Variants in PCSK1 observed in about 807,000 individuals in gnomAD.
PCSK1 encodes the protein proprotein convertase subtilisin/kexin type 1, also known as neuroendocrine convertase 1.
Under a neutral mutation model 90.6 loss-of-function variants are expected in PCSK1, and 56 were observed. The ratio of observed to expected loss-of-function variants is 0.62; its 90% confidence interval spans 0.50 to 0.77. The LOEUF (loss-of-function observed/expected upper bound fraction) is 0.77, where lower values mean the gene tolerates loss of function less well. Ranked by LOEUF, PCSK1 falls within the 30% of genes least tolerant of loss-of-function variation. PCSK1 has a pLI of 0.00. For synonymous variants in PCSK1, 348 were observed against 342.4 expected, an observed-to-expected ratio of 1.02 and a Z score of -0.18; for missense variants, 801 against 932.6, an observed-to-expected ratio of 0.86 and a Z score of 1.84.
chr5:96,412,875 A>G (rs899650578), intron 6 of PCSK1: 3 of 818,288 alleles, frequency 3.7e-6, no homozygotes, highest in Non-Finnish European at 4.5e-6. Flanking sequence ...ATTGTTGTCA[A>G]TTACAAAATG....
At chr5:96,421,421 C>T (rs1468585242) in intron 5 of PCSK1, among the ~76,000 whole-genome samples, 1 of 152,166 alleles carries the variant, frequency 6.6e-6, no homozygotes, top group East Asian at 1.9e-4. Context: ...TTTGGCCATG[C>T]TCTTCTGAGA....
At chr5:96,432,265 C>A in intron 1 of PCSK1, 1 of 748,454 alleles carries the variant, frequency 1.3e-6, no homozygotes, top group South Asian at 1.8e-5. Context: ...CACCATTTCT[C>A]CCCCCAGCTT....
intron 12 of PCSK1, among the ~76,000 whole-genome samples, chr5:96,395,498 T>C (rs541795074): frequency 1.3e-5 from 2 of 152,320 alleles, no homozygotes; most frequent in African/African-American, 4.8e-5. Flanking sequence ...TGCAGGGACA[T>C]GGATAAAGCT....
chr5:96,399,277 T>C (rs1439789246), intron 10 of PCSK1, among the ~76,000 whole-genome samples: 1 of 152,204 alleles, frequency 6.6e-6, no homozygotes, highest in East Asian at 1.9e-4. Flanking sequence ...GGCAGATTTA[T>C]TGTAGACCCA....
intron 9 of PCSK1, among the ~76,000 whole-genome samples, chr5:96,400,683 T>C (rs920400067): frequency 6.6e-5 from 10 of 152,202 alleles, no homozygotes; most frequent in Non-Finnish European, 1.3e-4. Context: ...ATTGCCTTTT[T>C]CTTTATCTAT....
Position 96,394,789 on chromosome 5 carries a change from T to C in PCSK1, c.1884+75A>G, listed in dbSNP as rs921315258. ...GTTTGACTTATTTCCTGCTTGGAAG[T>C]TGGGTACAGCTTCACTGACTACATT... On this transcript the variant is annotated intron_variant, in intron 13 of 13. Transcript: ENST00000311106. The C allele has an allele frequency of 3.1e-4, 418 of 1,365,664 alleles. 1 individual carries two copies. Among genetic ancestry groups the C allele is most frequent in the Non-Finnish European group, 4.1e-4 (392 of 953,542 alleles). The allele number at this position is 1,365,664 out of a possible 1,614,324, so 84.6% of individuals were successfully genotyped here.
Position 96,410,827 on chromosome 5 carries a change from A to G in PCSK1, c.1042T>C (p.Ser348Pro). 1.2e-6 allele frequency: 2 copies of G among 1,614,106 alleles called. No homozygotes were observed. Among genetic ancestry groups the G allele is most frequent in the Non-Finnish European group, 1.7e-6 (2 of 1,179,998 alleles). ...GLSPWYAEKC[S>P]STLATSYSSG... ...CTGTAAGAGGTGGCCAGTGTGGAGG[A>G]GCACTTCTCAGCGTACCAGGGGGAT... Residue 348 changes from serine (S) to proline (P), a missense_variant, in exon 8 of 14, where the codon TCC becomes CCC. Coordinates refer to ENST00000311106, the MANE Select transcript of PCSK1 (RefSeq NM_000439.5).
intron 3 of PCSK1, 133 bp downstream of exon 3, chr5:96,425,687 T>C: frequency 4.4e-6 from 3 of 676,676 alleles, no homozygotes; most frequent in Non-Finnish European, 8.0e-6. Flanking sequence ...CCATCAGCCC[T>C]AATCTCCAGA....
Position 96,393,407 on chromosome 5 carries a change from G to A in PCSK1, c.1885-29C>T, listed in dbSNP as rs771331031. 5 of 1,612,642 alleles carry A rather than the reference G, an allele frequency of 3.1e-6. No homozygotes were observed. In the South Asian group the frequency reaches 4.4e-5, roughly 14 times the overall value. On this transcript the variant is annotated intron_variant, in intron 13 of 13. Transcript: ENST00000311106. ...AAACATAGAATGCCATCCACAAAGGGAAGAAGGTTCATTATTTATGGCCAG... is the reference window on the plus strand; with the variant it reads ...AAACATAGAATGCCATCCACAAAGGAAAGAAGGTTCATTATTTATGGCCAG...
chr5:96,394,901 T>G lies in PCSK1; in HGVS notation c.1847A>C (p.Asp616Ala), dbSNP rs1760078210. 1.2e-6 allele frequency: 2 copies of G among 1,614,118 alleles called. No individual in the cohort carries two copies. The highest frequency in any genetic ancestry group is 1.3e-5 in the African/African-American group (1 of 75,044). Reference sequence around the variant, plus strand: ...CACCATCTTCTCCACCCCTCTTCTGTCATTCTGAACAGTGTTGTAGGACGT... The same window carrying G: ...CACCATCTTCTCCACCCCTCTTCTGGCATTCTGAACAGTGTTGTAGGACGT... ...VYTSYNTVQN[D>A]RRGVEKMVDP... The change falls in exon 13 of 14, where the codon GAC becomes GCC. Residue 616 changes from aspartate to alanine, a missense_variant. Physicochemically the swap from Asp to Ala is moderately radical, Grantham distance 126 (BLOSUM62 -2). Transcript: ENST00000311106.
At chr5:96,410,348 CTG>C (rs1295056388) in intron 8 of PCSK1, among the ~76,000 whole-genome samples, 1 of 151,608 alleles carries the variant, frequency 6.6e-6, no homozygotes. Context: ...GGTGTAGACT[CTG>C]TATTTTTATC....
chr5:96,398,370 T>C (rs1353483409), intron 11 of PCSK1, among the ~76,000 whole-genome samples: 1 of 152,228 alleles, frequency 6.6e-6, no homozygotes, highest in Non-Finnish European at 1.5e-5. Flanking sequence ...CACTATCTTA[T>C]CTGAATTAGT....
intron 5 of PCSK1, among the ~76,000 whole-genome samples, chr5:96,420,097 T>C (rs1761072597): frequency 6.6e-6 from 1 of 152,170 alleles, no homozygotes; most frequent in Non-Finnish European, 1.5e-5. Context: ...ATGAAAGTTG[T>C]TTCTACTCCA....
At position 96,408,127 on chromosome 5, in the gene PCSK1, A is replaced by G. The variant is rs182721110; in HGVS notation, c.1196+96T>C. ...TTATCTTTATTTGCAGTATTCCAAA[A>G]TTTCTCCTGTAACCATGTATTCAGA... On this transcript the variant is annotated intron_variant, in intron 9 of 13. Transcript: ENST00000311106. The G allele has an allele frequency of 6.2e-4, 527 of 854,940 alleles. 2 individuals are homozygous for G. Among genetic ancestry groups the G allele is most frequent in the Non-Finnish European group, 4.7e-4 (244 of 516,798 alleles). The allele number at this position is 854,940 out of a possible 1,614,324, so 53.0% of individuals were successfully genotyped here. A position where few individuals can be genotyped will look rare whatever the true frequency, so the allele number is the denominator to read the frequency against.
In PCSK1 at chr5:96,410,794, C is replaced by G; in HGVS notation, c.1075G>C (p.Asp359His). 3 of 1,613,964 alleles carry G rather than the reference C, an allele frequency of 1.9e-6. No individual in the cohort carries two copies. The highest frequency in any genetic ancestry group is 2.5e-6 in the Non-Finnish European group (3 of 1,179,842). ...STLATSYSSG[D>H]YTDQRITSAD... is the part of the protein sequence containing the mutation. ...CATACGATTCTCTGGTCGGTGTAAT[C>G]TCCGCTGCTGTAAGAGGTGGCCAGT... The change falls in exon 8 of 14, where the codon GAT (aspartate) becomes CAT (histidine). Residue 359 changes from aspartate to histidine, a missense_variant. Asp to His is a moderately conservative substitution (Grantham distance 81, BLOSUM62 -1). Transcript: ENST00000311106.
In PCSK1 at chr5:96,433,215, C is replaced by A. The variant is rs1186612479; in HGVS notation, c.-173G>T. The A allele has an allele frequency of 4.5e-6, 3 of 668,624 alleles. No individual in the cohort carries two copies. Among genetic ancestry groups the A allele is most frequent in the Admixed American group, 2.2e-5 (1 of 45,514 alleles). The allele number at this position is 668,624 out of a possible 1,614,324, so 41.4% of individuals were successfully genotyped here. ...AGAGGAGAGGCTGGGCGGCGGCGAGCGCTCAGTGAAGCGCTTCGGTCTCCA... is the reference window on the plus strand; with the variant it reads ...AGAGGAGAGGCTGGGCGGCGGCGAGAGCTCAGTGAAGCGCTTCGGTCTCCA... On this transcript the variant is annotated 5_prime_UTR_variant, in exon 1 of 14. Coordinates refer to ENST00000311106, the MANE Select transcript of PCSK1 (RefSeq NM_000439.5).
In PCSK1 at chr5:96,402,886, C is replaced by T. The variant is rs1190091393; in HGVS notation, c.1197-2700G>A. On this transcript the variant is annotated intron_variant, in intron 9 of 13. Coordinates refer to ENST00000311106, the MANE Select transcript of PCSK1 (RefSeq NM_000439.5). ...TCAGTGAGTCCCAGAATGCTTGCCTCATGATCACCTGGTACACTTGTAAAT... is the reference window on the plus strand; with the variant it reads ...TCAGTGAGTCCCAGAATGCTTGCCTTATGATCACCTGGTACACTTGTAAAT... 2.0e-5 allele frequency among the ~76,000 whole-genome samples: 3 copies of T among 152,158 alleles called. No individual in the cohort carries two copies. The East Asian group carries it at 5.8e-4, about 29-fold the overall frequency.
intron 3 of PCSK1, 73 bp downstream of exon 3, chr5:96,425,747 A>C (rs1278336478): frequency 6.1e-6 from 5 of 813,912 alleles, no homozygotes; most frequent in East Asian, 4.9e-5. Context: ...AAAAAAATCC[A>C]TGTTGCAAAT....
chr5:96,432,527 C>T (rs558208568), intron 1 of PCSK1, among the ~76,000 whole-genome samples: 11 of 152,330 alleles, frequency 7.2e-5, no homozygotes, highest in African/African-American at 2.6e-4. Context: ...TTGGTAAGAG[C>T]TTGAGTGTAT....
Sources: gnomAD v4.1 joint callset for allele counts (sites outside exome capture counted in the v4.1 genomes callset) on GRCh38, gnomAD v4.1.1 for gene constraint, MANE v1.5 for transcripts, NCBI Gene and HGNC (gene_info 2026-07-23, HGNC 2026-07-21) for gene names.